KLRK1: variants seen among roughly 807,000 people sequenced by gnomAD.
KLRK1 encodes killer cell lectin like receptor K1.
In KLRK1, 40 loss-of-function variants were observed where a neutral mutation model predicts 31.3. That is an observed-to-expected ratio of 1.28 (90% CI 0.99 to 1.67). The LOEUF is 1.67. Among genes scored for constraint, KLRK1 ranks in the 40% most tolerant of loss-of-function variants. KLRK1 has a pLI of 0.00. For missense variants in KLRK1, 251 were observed against 260.0 expected (o/e 0.97, Z 0.24); for synonymous variants, 77 against 77.3 (o/e 1.00, Z 0.02).
intron 7 of KLRK1, among the ~76,000 whole-genome samples, chr12:10,375,911 T>G (rs1862956268): frequency 6.6e-6 from 1 of 152,208 alleles, no homozygotes; most frequent in South Asian, 2.1e-4. Context: ...AAGAGCAGGC[T>G]ATAAAAACTA....
rs777201886 is a variant in KLRK1, at chr12:10,378,117, G to T, written c.533+15C>A. The T allele has an allele frequency of 2.5e-6, 4 of 1,603,778 alleles. No individual in the cohort carries two copies. The highest frequency in any genetic ancestry group is 3.4e-6 in the Non-Finnish European group (4 of 1,176,670). ...AAAAATTAAAAAGAAGAGACTCATT[G>T]GGTCAGAGACTTACAGGTTGGGTGA... On this transcript the variant is annotated intron_variant, in intron 7 of 7. Coordinates refer to ENST00000240618, the MANE Select transcript of KLRK1 (RefSeq NM_007360.4).
intron 2 of KLRK1, among the ~76,000 whole-genome samples, chr12:10,387,692 T>G (rs1863194481): frequency 6.6e-6 from 1 of 151,928 alleles, no homozygotes; most frequent in Admixed American, 6.6e-5. Context: ...ATTACAGGCT[T>G]GTGCCACCAT....
intron 6 of KLRK1, 120 bp downstream of exon 6, chr12:10,378,434 G>GGGTT: frequency 6.8e-7 from 1 of 1,477,516 alleles, no homozygotes; most frequent in South Asian, 1.2e-5. Context: ...GAAAGATTTA[G>GGGTT]GGTTGGTATT....
At chr12:10,374,080 C>T (rs1040206912) in intron 7 of KLRK1, 6 of 152,306 alleles carry the variant, frequency 3.9e-5, no homozygotes, top group Admixed American at 1.3e-4. Flanking sequence ...CTGGTTCAAT[C>T]TCGGCTCACT....
At chr12:10,374,444 G>A (rs1862926340) in intron 7 of KLRK1, among the ~76,000 whole-genome samples, 1 of 145,454 alleles carries the variant, frequency 6.9e-6, no homozygotes, top group African/African-American at 2.7e-5. Context: ...CCAGGCTGGA[G>A]TGCAGTGGCG....
In KLRK1 at chr12:10,372,816, AC is replaced by A. The variant is rs1376359249; in HGVS notation, c.*297del. 1 of 321,640 alleles carries A rather than the reference AC, an allele frequency of 3.1e-6. No individual in the cohort carries two copies. Among genetic ancestry groups the A allele is most frequent in the African/African-American group, 2.3e-5 (1 of 44,046 alleles). The allele number at this position is 321,640 out of a possible 1,614,324, so 19.9% of individuals were successfully genotyped here. A position where few individuals can be genotyped will look rare whatever the true frequency, so the allele number is the denominator to read the frequency against. On this transcript the variant is annotated 3_prime_UTR_variant, in exon 8 of 8. Coordinates refer to ENST00000240618, the MANE Select transcript of KLRK1 (RefSeq NM_007360.4). Reference sequence around the variant, plus strand: ...CACTGATCCCCTGGGTGTTGGTCCTACCTTTAGAAATTAAAACAGCACCCCT... The same window carrying A: ...CACTGATCCCCTGGGTGTTGGTCCTACTTTAGAAATTAAAACAGCACCCCT...
intron 7 of KLRK1, among the ~76,000 whole-genome samples, chr12:10,374,378 T>C (rs187275730): frequency 6.8e-6 from 1 of 146,468 alleles, no homozygotes; most frequent in African/African-American, 2.5e-5. Flanking sequence ...CGTTCTTTTT[T>C]TCTTTCTTTC....
rs1863010693 is a variant in KLRK1 at position 10,378,673 on chromosome 12, T to C, written c.310A>G (p.Ile104Val). ...SYCGPCPKNW[I>V]CYKNNCYQFF... ...TGGTAGCAGTTATTTTTGTAACATA[T>C]CCAGTTTTTAGGACATGGGCCACAG... Residue 104 changes from isoleucine to valine, a missense_variant, in exon 6 of 8, where the codon ATA (isoleucine) becomes GTA (valine). Transcript: ENST00000240618. 2.5e-6 allele frequency: 4 copies of C among 1,609,856 alleles called. No homozygotes were observed. Among genetic ancestry groups the C allele is most frequent in the African/African-American group, 1.3e-5 (1 of 74,554 alleles).
chr12:10,384,661 G>A (rs1323335310), intron 3 of KLRK1, among the ~76,000 whole-genome samples: 1 of 151,904 alleles, frequency 6.6e-6, no homozygotes, highest in Non-Finnish European at 1.5e-5. Flanking sequence ...AGAGATAAGA[G>A]AAACACCACA....
chr12:10,388,384 T>C (rs1429280524), intron 2 of KLRK1, among the ~76,000 whole-genome samples: 1 of 152,156 alleles, frequency 6.6e-6, no homozygotes, highest in Admixed American at 6.5e-5. Flanking sequence ...CTAAGATAAA[T>C]ATGGAATGTT....
intron 7 of KLRK1, among the ~76,000 whole-genome samples, chr12:10,377,264 A>T (rs1565491525): frequency 6.6e-6 from 1 of 152,224 alleles, no homozygotes; most frequent in Non-Finnish European, 1.5e-5. Flanking sequence ...GGCACTTTAA[A>T]AAAAGTTAAG....
intron 3 of KLRK1, among the ~76,000 whole-genome samples, chr12:10,384,164 A>T (rs1440337517): frequency 6.6e-6 from 1 of 152,060 alleles, no homozygotes; most frequent in African/African-American, 2.4e-5. Flanking sequence ...AATATTGTTA[A>T]AGTAATCATA....
At chr12:10,376,549 A>C (rs926126985) in intron 7 of KLRK1, among the ~76,000 whole-genome samples, 1 of 152,146 alleles carries the variant, frequency 6.6e-6, no homozygotes, top group Non-Finnish European at 1.5e-5. Flanking sequence ...ACATATTAAT[A>C]GTATAACTTT....
chr12:10,374,317 C>T (rs945079505), intron 7 of KLRK1, among the ~76,000 whole-genome samples: 5 of 146,704 alleles, frequency 3.4e-5, no homozygotes, highest in African/African-American at 1.3e-4. Context: ...CCGGCCCCAG[C>T]TGAGATTTTT....
intron 3 of KLRK1, among the ~76,000 whole-genome samples, chr12:10,382,604 T>A (rs1863096206): frequency 6.6e-6 from 1 of 151,928 alleles, no homozygotes; most frequent in Non-Finnish European, 1.5e-5. Flanking sequence ...GTTTTTTCAG[T>A]CAGAAAAAAA....
Position 10,379,775 on chromosome 12 carries a change from A to G in KLRK1, c.166T>C (p.Cys56Arg). The change falls in exon 4 of 8, where the codon TGC becomes CGC. Residue 56 changes from cysteine (C) to arginine (R), a missense_variant. Physicochemically the swap from Cys to Arg is radical, Grantham distance 180 (BLOSUM62 -3). Transcript: ENST00000240618. ...CRENASPFFF[C>R]CFIAVAMGIR... ...CCCATGGCTACAGCGATGAAGCAGC[A>G]GAAAAAAAATGGAGATGCTGTCAAA... 4.3e-6 allele frequency: 7 copies of G among 1,611,844 alleles called. No individual in the cohort carries two copies. Among genetic ancestry groups the G allele is most frequent in the Non-Finnish European group, 5.9e-6 (7 of 1,178,914 alleles).
At chr12:10,380,581 A>T (rs1451461668) in intron 3 of KLRK1, among the ~76,000 whole-genome samples, 1 of 152,172 alleles carries the variant, frequency 6.6e-6, no homozygotes, top group African/African-American at 2.4e-5. Context: ...GGGCGATAGC[A>T]TAGAAAGGGA....
Position 10,373,015 on chromosome 12 carries a change from G to A in KLRK1, c.*99C>T. ...AAATCTGACAGTCTTTGGTCATTTT[G>A]TCCTGTTTTTGTTTGTTTCCTTTAG... On this transcript the variant is annotated 3_prime_UTR_variant, in exon 8 of 8. Coordinates refer to ENST00000240618, the MANE Select transcript of KLRK1 (RefSeq NM_007360.4). 9.6e-7 allele frequency: 1 copy of A among 1,040,406 alleles called. No individual in the cohort carries two copies. The highest frequency in any genetic ancestry group is 1.4e-6 in the Non-Finnish European group (1 of 692,166). The allele number at this position is 1,040,406 out of a possible 1,614,324, so 64.4% of individuals were successfully genotyped here.
chr12:10,387,036 A>G (rs1260649853), intron 2 of KLRK1, 26 bp from the exon 3 acceptor site: 10 of 1,581,476 alleles, frequency 6.3e-6, no homozygotes, highest in Non-Finnish European at 8.6e-6. Context: ...TCAGGCTTAT[A>G]TGAGTCATGG....
Sources: gnomAD v4.1 joint callset for allele counts (sites outside exome capture counted in the v4.1 genomes callset) on GRCh38, gnomAD v4.1.1 for gene constraint, MANE v1.5 for transcripts, NCBI Gene and HGNC (gene_info 2026-07-23, HGNC 2026-07-21) for gene names.